Variants in AXIN2 observed in about 807,000 individuals in gnomAD.
AXIN2 encodes axin 2, also known as axin-2.
In AXIN2, 21 loss-of-function variants were observed where a neutral mutation model predicts 74.7. The ratio of observed to expected loss-of-function variants is 0.28; its 90% CI spans 0.20 to 0.40. The LOEUF is 0.40. Among genes scored for constraint, AXIN2 ranks in the 10% least tolerant of loss-of-function variants. The pLI is 1.00. For synonymous variants in AXIN2, 532 were observed against 454.9 expected (o/e 1.17, Z -2.16); for missense variants, 1,144 against 1,111.1 (o/e 1.03, Z -0.42).
At position 65,538,212 on chromosome 17, in the gene AXIN2, C is replaced by G. The variant is rs1360433499; in HGVS notation, c.1191G>C (p.Gln397His). The change falls in exon 5 of 11, where the codon CAG becomes CAC. Residue 397 changes from glutamine (Q) to histidine (H), a missense_variant. By Grantham distance (24) the Gln-to-His change is conservative. Transcript: ENST00000307078. ...SRHSLEERLQ[Q>H]IREDEEREGS... is the part of the protein sequence containing the mutation. ...GCCTAGGCCGCATTACCTCTCGGAT[C>G]TGCTGCAGGCGCTCCTCCAGGCTGT... is the stretch of plus-strand genomic sequence containing the variant. The G allele has an allele frequency of 1.9e-6, 3 of 1,614,258 alleles. No individual in the cohort carries two copies. The highest frequency in any genetic ancestry group is 2.5e-6 in the Non-Finnish European group (3 of 1,180,052).
rs1245826086 is a variant in AXIN2 at position 65,534,228 on chromosome 17, G to A, written c.2238-149C>T. ...AACCCAAAGTGGGGGCTGGGGCAGA[G>A]CCCCACATCCCAGAGTCAGGCAGCT... On this transcript the variant is annotated intron_variant, in intron 9 of 10. Coordinates refer to ENST00000307078, the MANE Select transcript of AXIN2 (RefSeq NM_004655.4). 7 of 974,550 alleles carry A rather than the reference G, an allele frequency of 7.2e-6. No homozygotes were observed. In the Admixed American group the frequency reaches 1.4e-4, roughly 19 times the overall value. The allele number at this position is 974,550 out of a possible 1,614,324, so 60.4% of individuals were successfully genotyped here.
At chr17:65,538,152 CGA>C (rs1404826375) in intron 5 of AXIN2, 49 bp downstream of exon 5, 1 of 1,613,504 alleles carries the variant, frequency 6.2e-7, no homozygotes, top group Non-Finnish European at 8.5e-7. Context: ...CATACACATA[CGA>C]GCGCTCACGC....
Position 65,552,290 on chromosome 17 carries a change from G to C in AXIN2, c.816-2630C>G, listed in dbSNP as rs575243363. On this transcript the variant is annotated intron_variant, in intron 2 of 10. Transcript: ENST00000307078. ...GGAAATAGACTTCAAAAGTTAGAGA[G>C]AAAAAAATACTTCTAAATGGTCAGA... Among the ~76,000 whole-genome samples, 5 of 152,308 alleles carry C rather than the reference G, an allele frequency of 3.3e-5. No individual in the cohort carries two copies. In the South Asian group the frequency reaches 1.0e-3, roughly 32 times the overall value.
chr17:65,535,862 C>A (rs1385613280), intron 8 of AXIN2, 141 bp from the exon 9 acceptor site: 1 of 787,394 alleles, frequency 1.3e-6, no homozygotes, highest in Non-Finnish European at 2.2e-6. Context: ...AACCAAGACC[C>A]TGGGTTAACA....
At chr17:65,560,263 G>T in intron 1 of AXIN2, 1 of 152,286 alleles carries the variant, frequency 6.6e-6, no homozygotes, top group South Asian at 2.1e-4. Flanking sequence ...GGGCCGGGAG[G>T]AGGGACGCGA....
At position 65,555,436 on chromosome 17, in the gene AXIN2, G is replaced by T. The variant is rs541335759; in HGVS notation, c.815+2370C>A. 9.3e-4 allele frequency among the ~76,000 whole-genome samples: 141 copies of T among 152,234 alleles called. 1 individual carries two copies. The highest frequency in any genetic ancestry group is 3.3e-3 in the African/African-American group (138 of 41,534). On this transcript the variant is annotated intron_variant, in intron 2 of 10. Transcript: ENST00000307078. ...TTCAATAAGAAAGTTGAGGCATGGG[G>T]GTCAGGGGGCCACTCTAAAACCTTA...
chr17:65,549,383 C>T, intron 3 of AXIN2, 137 bp downstream of exon 3: 1 of 1,058,026 alleles, frequency 9.5e-7, no homozygotes, highest in Admixed American at 2.0e-5. Flanking sequence ...GTCATACTCC[C>T]CTCCCACCAA....
chr17:65,550,529 C>G (rs1354255367), intron 2 of AXIN2, among the ~76,000 whole-genome samples: 1 of 152,106 alleles, frequency 6.6e-6, no homozygotes. Flanking sequence ...GCTTAAGTAG[C>G]GGGGAGGGGC....
chr17:65,556,380 G>A (rs1168966638), intron 2 of AXIN2, among the ~76,000 whole-genome samples: 2 of 152,174 alleles, frequency 1.3e-5, no homozygotes, highest in South Asian at 2.1e-4. Context: ...GCGGGCAGGC[G>A]TAGCAGGTGC....
chr17:65,561,015 A>G (rs2044363482), intron 1 of AXIN2: 1 of 147,524 alleles, frequency 6.8e-6, no homozygotes, highest in African/African-American at 2.5e-5. Context: ...TCAGAGCGAA[A>G]GCCACCGGCC....
At chr17:65,546,320 C>T (rs942862371) in intron 3 of AXIN2, among the ~76,000 whole-genome samples, 3 of 152,312 alleles carry the variant, frequency 2.0e-5, no homozygotes, top group Admixed American at 2.0e-4. Context: ...TCTCGCCCGG[C>T]GCTCTCATCT....
At chr17:65,541,348 C>CT in intron 4 of AXIN2, 107 bp downstream of exon 4, 1 of 1,029,060 alleles carries the variant, frequency 9.7e-7, no homozygotes, top group Non-Finnish European at 1.5e-6. Flanking sequence ...TTAGGTACTG[C>CT]TCTTTTCTAC....
intron 7 of AXIN2, 122 bp from the exon 8 acceptor site, chr17:65,536,675 C>A (rs1300461176): frequency 7.1e-6 from 10 of 1,402,166 alleles, no homozygotes; most frequent in Non-Finnish European, 1.0e-5. Context: ...AAAAAAACTA[C>A]CATAACATGA....
chr17:65,537,244 G>A, intron 6 of AXIN2, 80 bp downstream of exon 6: 2 of 1,596,084 alleles, frequency 1.3e-6, no homozygotes, highest in Non-Finnish European at 1.7e-6. Context: ...CCTGTAATGC[G>A]GCTCCCACCT....
chr17:65,549,569 A>G lies in AXIN2; in HGVS notation c.907T>C (p.Ser303Pro), dbSNP rs1567763495. The G allele has an allele frequency of 1.2e-6, 2 of 1,611,084 alleles. No homozygotes were observed. Among genetic ancestry groups the G allele is most frequent in the Non-Finnish European group, 8.5e-7 (1 of 1,178,666 alleles). The change falls in exon 3 of 11, where the codon TCC (serine) becomes CCC (proline). Residue 303 changes from serine to proline, a missense_variant. Around this residue, in one of 4 missense-constraint regions of AXIN2, gnomAD observed 1,053 missense variants for 973.5 expected, o/e 1.08. Transcript: ENST00000307078. ...PATSANDSEI[S>P]SDALTDDSMS... ...GAATCATCCGTCAGCGCATCACTGG[A>G]TATCTCACTGTCGTTGGCGCTGGTG...
chr17:65,537,254 T>A, intron 6 of AXIN2, 70 bp downstream of exon 6: 1 of 1,604,940 alleles, frequency 6.2e-7, no homozygotes, highest in East Asian at 2.2e-5. Context: ...GGCTCCCACC[T>A]CACACCTGCC....
At chr17:65,546,883 C>G (rs1161928804) in intron 3 of AXIN2, among the ~76,000 whole-genome samples, 1 of 152,146 alleles carries the variant, frequency 6.6e-6, no homozygotes, top group Admixed American at 6.5e-5. Context: ...GGTTCTGCCA[C>G]CAGGAACCCA....
rs757512425 is a variant in AXIN2 at position 65,537,526 on chromosome 17, C to G, written c.1510G>C (p.Gly504Arg). ...TTCGTCGTCTGCTTGGTCACAAAGC[C>G]TTTGCCCCCGAGGAGGGGGCAGGCG... ...PGACPLLGGK[G>R]FVTKQTTKHV... The change falls in exon 6 of 11, where the codon GGC (glycine) becomes CGC (arginine). Residue 504 changes from glycine (G) to arginine (R), a missense_variant. Around this residue, in one of 4 missense-constraint regions of AXIN2, gnomAD observed 1,053 missense variants for 973.5 expected, o/e 1.08. Coordinates refer to ENST00000307078, the MANE Select transcript of AXIN2 (RefSeq NM_004655.4). 3 of 1,613,608 alleles carry G rather than the reference C, an allele frequency of 1.9e-6. 1 individual carries two copies. The highest frequency in any genetic ancestry group is 2.5e-6 in the Non-Finnish European group (3 of 1,179,982).
At chr17:65,538,049 C>A (rs1373586837) in intron 5 of AXIN2, 154 bp downstream of exon 5, 4 of 1,429,222 alleles carry the variant, frequency 2.8e-6, no homozygotes, top group Non-Finnish European at 1.9e-6. Context: ...GCGCACACAG[C>A]CCACGCCCAG....
Sources: gnomAD v4.1 joint callset for allele counts (sites outside exome capture counted in the v4.1 genomes callset) on GRCh38, gnomAD v4.1.1 for gene constraint, gnomAD v4.1.1 regional missense constraint, MANE v1.5 for transcripts, NCBI Gene and HGNC (gene_info 2026-07-23, HGNC 2026-07-21) for gene names.